DPYSL5: variants seen among roughly 807,000 people sequenced by gnomAD.
The protein encoded by DPYSL5 is dihydropyrimidinase-related protein 5.
A neutral mutation model predicts 58.4 loss-of-function variants in DPYSL5; 9 were observed. The observed-to-expected ratio is 0.15, with a 90% confidence interval of 0.09 to 0.27. The LOEUF is 0.27. DPYSL5 is among the 10% of genes least tolerant of loss of function. The pLI is 1.00. For missense variants in DPYSL5, 499 were observed against 770.6 expected (o/e 0.65, Z 4.17); for synonymous variants, 293 against 301.9 (o/e 0.97, Z 0.31).
At chr2:26,869,895 C>G (rs1406417646) in intron 1 of DPYSL5, among the ~76,000 whole-genome samples, 1 of 152,166 alleles carries the variant, frequency 6.6e-6, no homozygotes, top group Non-Finnish European at 1.5e-5. Context: ...CCTGTAGTCC[C>G]AGCTACTTGG....
At chr2:26,864,335 TG>T (rs1469561088) in intron 1 of DPYSL5, among the ~76,000 whole-genome samples, 6 of 152,210 alleles carry the variant, frequency 3.9e-5, no homozygotes, top group Non-Finnish European at 7.3e-5. Context: ...GCCACACCCC[TG>T]GGGCCCCAGT....
chr2:26,882,568 A>G (rs1663602810), intron 1 of DPYSL5, among the ~76,000 whole-genome samples: 1 of 152,108 alleles, frequency 6.6e-6, no homozygotes, highest in South Asian at 2.1e-4. Context: ...GATTACAGGC[A>G]TAAGCACCAC....
At chr2:26,867,581 A>G (rs373812518) in intron 1 of DPYSL5, among the ~76,000 whole-genome samples, 4 of 149,026 alleles carry the variant, frequency 2.7e-5, no homozygotes, top group African/African-American at 9.9e-5. Flanking sequence ...TCAGCCTCCC[A>G]AGTAGCTGGG....
At chr2:26,875,314 G>C (rs1663382896) in intron 1 of DPYSL5, among the ~76,000 whole-genome samples, 1 of 152,226 alleles carries the variant, frequency 6.6e-6, no homozygotes, top group Non-Finnish European at 1.5e-5. Context: ...ACCCAAGTGG[G>C]CATGTGGGGT....
chr2:26,921,035 T>C (rs1309623478), intron 2 of DPYSL5, among the ~76,000 whole-genome samples: 5 of 152,240 alleles, frequency 3.3e-5, no homozygotes, highest in African/African-American at 1.2e-4. Context: ...TTATAACACA[T>C]TTTAAATAGG....
At chr2:26,903,131 G>A (rs1281796584) in intron 2 of DPYSL5, among the ~76,000 whole-genome samples, 6 of 150,974 alleles carry the variant, frequency 4.0e-5, no homozygotes, top group South Asian at 2.1e-4. Flanking sequence ...GTGCAATGGC[G>A]AGATCTCAGC....
In DPYSL5 at chr2:26,934,741, C is replaced by T. The variant is rs140980546; in HGVS notation, c.947+7C>T. The T allele has an allele frequency of 2.2e-5, 35 of 1,613,918 alleles. No individual in the cohort carries two copies. In the African/African-American group the frequency reaches 3.3e-4, roughly 15 times the overall value. ...TCATGAGCCTGCTGGCCAAGTAAGG[C>T]GTTTCAGCAGCACATTGCAGGGATG... is the stretch of plus-strand genomic sequence containing the variant. On this transcript the variant is annotated splice_region_variant and intron_variant, in intron 8 of 12. Transcript: ENST00000288699. The surrounding 1 kb of genome is among the most constrained non-coding windows in gnomAD (Gnocchi z 4.3).
intron 1 of DPYSL5, among the ~76,000 whole-genome samples, chr2:26,885,254 A>C (rs1663687497): frequency 6.6e-6 from 1 of 152,058 alleles, no homozygotes; most frequent in South Asian, 2.1e-4. Flanking sequence ...CTTGTTAACC[A>C]TATTCACACC....
chr2:26,915,958 G>A (rs984481914), intron 2 of DPYSL5, among the ~76,000 whole-genome samples: 8 of 152,108 alleles, frequency 5.3e-5, no homozygotes, highest in African/African-American at 1.9e-4. Context: ...ATTTGGGGGA[G>A]AATTAAACTG....
intron 1 of DPYSL5, among the ~76,000 whole-genome samples, chr2:26,855,376 C>A (rs1665854133): frequency 6.6e-6 from 1 of 151,964 alleles, no homozygotes; most frequent in Non-Finnish European, 1.5e-5. Flanking sequence ...CTGCAGTGAG[C>A]CCAGATCGCG....
chr2:26,908,699 C>T (rs144113209), intron 2 of DPYSL5, among the ~76,000 whole-genome samples: 2 of 152,316 alleles, frequency 1.3e-5, no homozygotes, highest in East Asian at 1.9e-4. Flanking sequence ...AAAATAAATA[C>T]ACCCTCTGTG....
chr2:26,874,875 A>C (rs996644946), intron 1 of DPYSL5, among the ~76,000 whole-genome samples: 3 of 152,236 alleles, frequency 2.0e-5, no homozygotes, highest in Admixed American at 2.0e-4. Context: ...AAAAAGGCCT[A>C]TTAGGATTTT....
chr2:26,946,760 G>A (rs1355132581), intron 12 of DPYSL5, 150 bp from the exon 13 acceptor site: 3 of 554,266 alleles, frequency 5.4e-6, no homozygotes, highest in Non-Finnish European at 9.7e-6. Flanking sequence ...TAACTTCCCT[G>A]AGCCTCTGTC....
intron 8 of DPYSL5, among the ~76,000 whole-genome samples, chr2:26,938,138 GGCA>G (rs1665229529): frequency 1.3e-5 from 2 of 152,152 alleles, no homozygotes; most frequent in Admixed American, 6.5e-5. Context: ...CCAGATTCAG[GGCA>G]GCACTGAGAG....
intron 1 of DPYSL5, among the ~76,000 whole-genome samples, chr2:26,881,097 G>C (rs545011914): frequency 6.6e-6 from 1 of 152,258 alleles, no homozygotes; most frequent in South Asian, 2.1e-4. Flanking sequence ...TGGGAAAACG[G>C]GCCTGGGAGG....
rs571897169 is a variant in DPYSL5, at chr2:26,849,281, G to C, written c.-5+1027G>C. Among the ~76,000 whole-genome samples, 13 of 152,002 alleles carry C rather than the reference G, an allele frequency of 8.6e-5. No homozygotes were observed. Among genetic ancestry groups the C allele is most frequent in the Admixed American group, 2.6e-4 (4 of 15,300 alleles). ...CGCCTGGGTTTGAGGAGGGAGGACG[G>C]GAGCGAGGAGAAGACCCGCGCTGTG... is the stretch of plus-strand genomic sequence containing the variant. On this transcript the variant is annotated intron_variant, in intron 1 of 12. Coordinates refer to ENST00000288699, the MANE Select transcript of DPYSL5 (RefSeq NM_020134.4). The surrounding 1 kb of genome is among the most constrained non-coding windows in gnomAD (Gnocchi z 6.2).
intron 2 of DPYSL5, among the ~76,000 whole-genome samples, chr2:26,913,849 T>A (rs1430965338): frequency 6.6e-6 from 1 of 151,688 alleles, no homozygotes; most frequent in African/African-American, 2.4e-5. Context: ...TTAAAGGAAA[T>A]GTCTTCAGCA....
At chr2:26,862,525 T>C (rs1489617485) in intron 1 of DPYSL5, among the ~76,000 whole-genome samples, 3 of 152,212 alleles carry the variant, frequency 2.0e-5, no homozygotes, top group Admixed American at 1.3e-4. Flanking sequence ...GCTATGATAA[T>C]CTCATCATTT....
At chr2:26,876,521 TG>T (rs1198142497) in intron 1 of DPYSL5, among the ~76,000 whole-genome samples, 1 of 152,168 alleles carries the variant, frequency 6.6e-6, no homozygotes, top group Admixed American at 6.5e-5. Context: ...GGTTTGTTTT[TG>T]TTTTTGTTTT....
Sources: allele counts gnomAD v4.1 joint callset (sites outside exome capture counted in the v4.1 genomes callset), GRCh38; gene constraint gnomAD v4.1.1; non-coding constraint Gnocchi (gnomAD v3.1); transcripts MANE v1.5; gene names NCBI Gene and HGNC (gene_info 2026-07-23, HGNC 2026-07-21).